CNTN4: variants seen among roughly 807,000 people sequenced by gnomAD.
CNTN4 encodes the protein contactin-4.
In CNTN4, 77 loss-of-function variants were observed where a neutral mutation model predicts 122.5. That is an observed-to-expected ratio of 0.63 (90% CI 0.52 to 0.76). The LOEUF (loss-of-function observed/expected upper bound fraction) is 0.76, where lower values mean the gene tolerates loss of function less well. Ranked by LOEUF, CNTN4 falls within the 30% of genes least tolerant of loss-of-function variation. CNTN4 has a pLI of 0.00. For missense variants in CNTN4, 1,256 were observed against 1,259.1 expected (o/e 1.00, Z 0.04); for synonymous variants, 512 against 447.0 (o/e 1.15, Z -1.83).
At chr3:2,781,934 A>G (rs758551050) in intron 6 of CNTN4, among the ~76,000 whole-genome samples, 3 of 146,968 alleles carry the variant, frequency 2.0e-5, no homozygotes, top group Non-Finnish European at 4.5e-5. Flanking sequence ...CGTGTTAGCC[A>G]GGATGGTCTC....
At chr3:2,683,487 C>T in intron 4 of CNTN4, among the ~76,000 whole-genome samples, 1 of 147,892 alleles carries the variant, frequency 6.8e-6, no homozygotes, top group Admixed American at 6.6e-5. Context: ...AACACATGTC[C>T]ACATGTTGAA....
At chr3:2,711,080 C>G (rs1003663013) in intron 4 of CNTN4, among the ~76,000 whole-genome samples, 3 of 152,206 alleles carry the variant, frequency 2.0e-5, no homozygotes, top group African/African-American at 7.2e-5. Flanking sequence ...TCTGAATGAA[C>G]TGTTTGAAGC....
intron 6 of CNTN4, among the ~76,000 whole-genome samples, chr3:2,761,229 A>G (rs1452124738): frequency 6.6e-6 from 1 of 152,208 alleles, no homozygotes; most frequent in East Asian, 1.9e-4. Flanking sequence ...AAATTTTCTT[A>G]GGTCTTTCAG....
At chr3:2,655,158 T>C (rs1010700894) in intron 4 of CNTN4, among the ~76,000 whole-genome samples, 1 of 152,226 alleles carries the variant, frequency 6.6e-6, no homozygotes, top group Non-Finnish European at 1.5e-5. Context: ...ATGTTTGTTT[T>C]ATTCCTCCTC....
At chr3:2,885,085 A>G (rs2093956160) in intron 9 of CNTN4, among the ~76,000 whole-genome samples, 2 of 152,256 alleles carry the variant, frequency 1.3e-5, no homozygotes. Context: ...CAAATATAGT[A>G]GAGTTGATGG....
intron 3 of CNTN4, among the ~76,000 whole-genome samples, chr3:2,480,570 G>A (rs1219326752): frequency 2.0e-5 from 3 of 152,242 alleles, no homozygotes; most frequent in East Asian, 1.9e-4. Context: ...AAATATGTAC[G>A]AGGTCTATGT....
rs1232368769 is a variant in CNTN4 at position 2,604,940 on chromosome 3, A to G, written c.55+33382A>G. 3.3e-5 allele frequency among the ~76,000 whole-genome samples: 5 copies of G among 152,142 alleles called. No homozygotes were observed. In the East Asian group the frequency reaches 9.6e-4, roughly 29 times the overall value. ...AGTAAATAGTACAGTATTGTTAATC[A>G]TATGCTCTATATTGTAGGGGAGATC... is the stretch of plus-strand genomic sequence containing the variant. On this transcript the variant is annotated intron_variant, in intron 4 of 24. Coordinates refer to ENST00000418658, the MANE Select transcript of CNTN4 (RefSeq NM_175607.3).
chr3:2,460,982 C>T (rs1038455575), intron 3 of CNTN4, among the ~76,000 whole-genome samples: 3 of 152,018 alleles, frequency 2.0e-5, no homozygotes, highest in Non-Finnish European at 2.9e-5. Flanking sequence ...GAAATAAATT[C>T]GTGTGATCTA....
At position 3,026,281 on chromosome 3, in the gene CNTN4, A is replaced by G. The variant is rs759220801; in HGVS notation, c.1662+4A>G. 6 of 1,612,532 alleles carry G rather than the reference A, an allele frequency of 3.7e-6. No homozygotes were observed. The East Asian group carries it at 8.9e-5, about 24-fold the overall frequency. ...CCACTTTGAAAGAGTTGGAGGGGTA[A>G]GTATTAATAGCAAAAACTGACTCAA... On this transcript the variant is annotated splice_donor_region_variant and intron_variant, in intron 15 of 24. Coordinates refer to ENST00000418658, the MANE Select transcript of CNTN4 (RefSeq NM_175607.3).
chr3:2,621,621 A>G (rs942015933), intron 4 of CNTN4, among the ~76,000 whole-genome samples: 6 of 152,138 alleles, frequency 3.9e-5, no homozygotes, highest in African/African-American at 1.4e-4. Flanking sequence ...CGTTCTGCAC[A>G]TGTACCCCAG....
chr3:2,236,971 G>T (rs1464519550), intron 2 of CNTN4, among the ~76,000 whole-genome samples: 1 of 152,204 alleles, frequency 6.6e-6, no homozygotes, highest in Non-Finnish European at 1.5e-5. Flanking sequence ...AACTTCTTCA[G>T]TGTAGCTGGA....
intron 23 of CNTN4, among the ~76,000 whole-genome samples, chr3:3,047,777 C>A (rs1700825586): frequency 6.6e-6 from 1 of 151,048 alleles, no homozygotes; most frequent in Admixed American, 6.6e-5. Flanking sequence ...TAACTAAGAT[C>A]AGAGCAGAAC....
At chr3:2,347,915 C>T (rs1030912886) in intron 3 of CNTN4, among the ~76,000 whole-genome samples, 1 of 151,200 alleles carries the variant, frequency 6.6e-6, no homozygotes, top group African/African-American at 2.4e-5. Context: ...TTTGTAATTC[C>T]TTTACATACT....
intron 2 of CNTN4, among the ~76,000 whole-genome samples, chr3:2,171,272 G>T (rs1284940624): frequency 6.6e-6 from 1 of 152,126 alleles, no homozygotes; most frequent in Non-Finnish European, 1.5e-5. Flanking sequence ...TAATGATAAG[G>T]TGGGTCTACA....
At chr3:2,679,522 T>A (rs1052320329) in intron 4 of CNTN4, among the ~76,000 whole-genome samples, 2 of 152,160 alleles carry the variant, frequency 1.3e-5, no homozygotes, top group Non-Finnish European at 2.9e-5. Context: ...TGACATTCGA[T>A]CCTAAAAAGA....
chr3:2,649,464 T>C (rs1291312193), intron 4 of CNTN4, among the ~76,000 whole-genome samples: 1 of 152,194 alleles, frequency 6.6e-6, no homozygotes, highest in Non-Finnish European at 1.5e-5. Flanking sequence ...CTGTGTTCTT[T>C]TATGGAACAA....
rs541950400 is a variant in CNTN4 at position 2,847,185 on chromosome 3, C to G, written c.455-19567C>G. Reference sequence around the variant, plus strand: ...ATGTTGCAAAAAAAAAAAAGATAGACTTGGCAGTTTTTTCTAATAGCTAAA... The same window carrying G: ...ATGTTGCAAAAAAAAAAAAGATAGAGTTGGCAGTTTTTTCTAATAGCTAAA... On this transcript the variant is annotated intron_variant, in intron 7 of 24. Transcript: ENST00000418658. Among the ~76,000 whole-genome samples the G allele has an allele frequency of 4.1e-5, 6 of 147,888 alleles. No homozygotes were observed. In the East Asian group the frequency reaches 1.2e-3, roughly 29 times the overall value.
chr3:2,398,269 A>T (rs2046711986), intron 3 of CNTN4, among the ~76,000 whole-genome samples: 1 of 152,162 alleles, frequency 6.6e-6, no homozygotes, highest in East Asian at 1.9e-4. Context: ...CACATAATTT[A>T]TGACTCATTA....
rs2092860881 is a variant in CNTN4 at position 2,821,142 on chromosome 3, A to G, written c.454+1561A>G. On this transcript the variant is annotated intron_variant, in intron 7 of 24. Transcript: ENST00000418658. ...GTGCCAATTTTTATATTTTTAGTAG[A>G]GATAGGATTTCACCATGTTGACCAG... Among the ~76,000 whole-genome samples, 4 of 151,712 alleles carry G rather than the reference A, an allele frequency of 2.6e-5. No homozygotes were observed. In the South Asian group the frequency reaches 8.3e-4, roughly 32 times the overall value.
Sources: gnomAD v4.1 joint callset for allele counts (sites outside exome capture counted in the v4.1 genomes callset) on GRCh38, gnomAD v4.1.1 for gene constraint, MANE v1.5 for transcripts, NCBI Gene and HGNC (gene_info 2026-07-23, HGNC 2026-07-21) for gene names.